Variants in GNAQ observed in about 807,000 individuals in gnomAD.
GNAQ encodes the protein G protein subunit alpha q.
In GNAQ, 8 loss-of-function variants were observed where a neutral mutation model predicts 43.9. The observed-to-expected ratio is 0.18, with a 90% confidence interval of 0.11 to 0.33. The LOEUF is 0.33. GNAQ is among the 10% of genes least tolerant of loss of function. GNAQ has a pLI of 1.00. For missense variants in GNAQ, 158 were observed against 450.8 expected (o/e 0.35, Z 5.88); for synonymous variants, 155 against 170.7 (o/e 0.91, Z 0.71).
At chr9:77,929,528 T>C (rs1829117254) in intron 1 of GNAQ, among the ~76,000 whole-genome samples, 1 of 152,170 alleles carries the variant, frequency 6.6e-6, no homozygotes. Context: ...CCTGTTCTTG[T>C]TCTAAAATAA....
intron 6 of GNAQ, 94 bp from the exon 7 acceptor site, chr9:77,721,607 G>GC: frequency 1.3e-6 from 1 of 773,272 alleles, no homozygotes. Context: ...CATTGCTCAT[G>GC]AAGCCTACAT....
chr9:77,916,016 G>A (rs78250484), intron 2 of GNAQ, among the ~76,000 whole-genome samples: 102 of 152,182 alleles, frequency 6.7e-4, no homozygotes, highest in African/African-American at 2.4e-3. Context: ...GCTCCAAATC[G>A]GCACTTTTTC....
At chr9:77,775,939 TA>T in intron 5 of GNAQ, among the ~76,000 whole-genome samples, 1 of 151,466 alleles carries the variant, frequency 6.6e-6, no homozygotes, top group African/African-American at 2.4e-5. Flanking sequence ...AAATAAAAAA[TA>T]AAAGAAAAGA....
chr9:78,009,680 C>A (rs959578341), intron 1 of GNAQ, among the ~76,000 whole-genome samples: 1 of 152,130 alleles, frequency 6.6e-6, no homozygotes, highest in Non-Finnish European at 1.5e-5. Context: ...GTAACAGGTT[C>A]CTCTACTTTC....
chr9:77,882,609 T>C (rs1397699556), intron 2 of GNAQ, among the ~76,000 whole-genome samples: 1 of 152,140 alleles, frequency 6.6e-6, no homozygotes, highest in Non-Finnish European at 1.5e-5. Context: ...CTAGAGAAGA[T>C]GGCCAAATGA....
chr9:77,759,201 A>G (rs1379969324), intron 5 of GNAQ, among the ~76,000 whole-genome samples: 1 of 152,252 alleles, frequency 6.6e-6, no homozygotes, highest in Non-Finnish European at 1.5e-5. Flanking sequence ...GTGACTATCA[A>G]TATTGTTAAC....
intron 1 of GNAQ, among the ~76,000 whole-genome samples, chr9:77,951,649 C>A (rs899419762): frequency 1.3e-5 from 2 of 152,034 alleles, no homozygotes; most frequent in African/African-American, 4.8e-5. Flanking sequence ...GGAATAGGTC[C>A]CTCAACCTGA....
chr9:77,860,314 T>C (rs1166935973), intron 2 of GNAQ, among the ~76,000 whole-genome samples: 2 of 152,100 alleles, frequency 1.3e-5, no homozygotes, highest in Non-Finnish European at 2.9e-5. Flanking sequence ...CTAGTTTCCC[T>C]GCTAGACAAT....
chr9:77,822,149 G>A (rs1437785612), intron 2 of GNAQ, among the ~76,000 whole-genome samples: 1 of 152,060 alleles, frequency 6.6e-6, no homozygotes, highest in Non-Finnish European at 1.5e-5. Flanking sequence ...CCTAGCATTG[G>A]GGATATTATT....
rs776843513 is a variant in GNAQ, at chr9:77,922,287, T to C, written c.195A>G (p.Ser65=). 5.0e-6 allele frequency: 8 copies of C among 1,612,980 alleles called. No individual in the cohort carries two copies. The highest frequency in any genetic ancestry group is 1.7e-5 in the Admixed American group (1 of 59,990). Reference sequence around the variant, plus strand: ...CCCTTTTATCTTCATCAGAGTATCCTGACCCATGGATGATTCTCATCTGCT... The same window carrying C: ...CCCTTTTATCTTCATCAGAGTATCCCGACCCATGGATGATTCTCATCTGCT... The part of the protein sequence containing the change: ...FIKQMRIIHG[S]GYSDEDKRGF... Residue 65 remains serine (S), a synonymous_variant, in exon 2 of 7, where the codon TCA becomes TCG. Transcript: ENST00000286548.
chr9:77,865,449 C>T (rs942526640), intron 2 of GNAQ, among the ~76,000 whole-genome samples: 2 of 152,150 alleles, frequency 1.3e-5, no homozygotes, highest in African/African-American at 4.8e-5. Context: ...TAGATATCAG[C>T]CTTTGTCAGA....
At chr9:77,941,442 G>A (rs1383920540) in intron 1 of GNAQ, among the ~76,000 whole-genome samples, 1 of 152,020 alleles carries the variant, frequency 6.6e-6, no homozygotes, top group African/African-American at 2.4e-5. Flanking sequence ...GTAGAGACGG[G>A]GTTTCACCAT....
intron 1 of GNAQ, among the ~76,000 whole-genome samples, chr9:77,996,455 G>A (rs929335590): frequency 2.6e-5 from 4 of 152,106 alleles, no homozygotes; most frequent in Admixed American, 1.3e-4. Flanking sequence ...CGAGGCGGGC[G>A]GATCACGAGG....
Position 77,747,798 on chromosome 9 carries a change from T to TC in GNAQ, c.736-19132dup, listed in dbSNP as rs560720293. On this transcript the variant is annotated intron_variant, in intron 5 of 6. Transcript: ENST00000286548. ...TTAGAATGTGTCTTCAGGTTGTAATTCCCGTGTGGGACCTAATTTCTTGAA... is the reference window on the plus strand; with the variant it reads ...TTAGAATGTGTCTTCAGGTTGTAATTCCCCGTGTGGGACCTAATTTCTTGAA... 2.2e-4 allele frequency among the ~76,000 whole-genome samples: 33 copies of TC among 152,338 alleles called. No homozygotes were observed. The East Asian group carries it at 3.7e-3, about 17-fold the overall frequency.
chr9:77,932,885 TA>T (rs1226271003), intron 1 of GNAQ, among the ~76,000 whole-genome samples: 1 of 151,818 alleles, frequency 6.6e-6, no homozygotes, highest in Non-Finnish European at 1.5e-5. Context: ...AAAAAAATCC[TA>T]AAAAAGTCTG....
chr9:77,808,383 T>C (rs1826861651), intron 3 of GNAQ, among the ~76,000 whole-genome samples: 3 of 149,450 alleles, frequency 2.0e-5, no homozygotes, highest in African/African-American at 4.9e-5. Flanking sequence ...TTACCAAAGA[T>C]TGGAAAATGT....
At chr9:77,908,529 C>A (rs1248769264) in intron 2 of GNAQ, among the ~76,000 whole-genome samples, 1 of 152,208 alleles carries the variant, frequency 6.6e-6, no homozygotes, top group Non-Finnish European at 1.5e-5. Context: ...TTAGTAGACA[C>A]TGACTATGTT....
Position 77,735,791 on chromosome 9 carries a change from A to G in GNAQ, c.736-7124T>C, listed in dbSNP as rs1465474315. Among the ~76,000 whole-genome samples, 4 of 152,212 alleles carry G rather than the reference A, an allele frequency of 2.6e-5. No homozygotes were observed. In the East Asian group the frequency reaches 7.7e-4, roughly 29 times the overall value. ...GTACGCTGACATGGCAATGTGGCCC[A>G]GTGGTGACAGGCCAGGGCTGTGAGC... On this transcript the variant is annotated intron_variant, in intron 5 of 6. Coordinates refer to ENST00000286548, the MANE Select transcript of GNAQ (RefSeq NM_002072.5).
intron 5 of GNAQ, among the ~76,000 whole-genome samples, chr9:77,746,517 G>A (rs1283216681): frequency 6.6e-6 from 1 of 152,230 alleles, no homozygotes. Context: ...AGATCTGTCA[G>A]TGAATTAGAA....
Sources: allele counts gnomAD v4.1 joint callset (sites outside exome capture counted in the v4.1 genomes callset), GRCh38; gene constraint gnomAD v4.1.1; transcripts MANE v1.5; gene names NCBI Gene and HGNC (gene_info 2026-07-23, HGNC 2026-07-21).